Variants in CDH10 observed in about 807,000 individuals in gnomAD.
CDH10 encodes cadherin-10.
Under a neutral mutation model 73.1 loss-of-function variants are expected in CDH10, and 30 were observed. That is an observed-to-expected ratio of 0.41 (90% confidence interval 0.31 to 0.56). CDH10 has a LOEUF of 0.56. CDH10 is among the 20% of genes least tolerant of loss of function. The pLI is 0.27. For synonymous variants in CDH10, 345 were observed against 348.2 expected (o/e 0.99, Z 0.10); for missense variants, 815 against 973.7 (o/e 0.84, Z 2.17).
chr5:24,591,004 T>A (rs879269062), intron 2 of CDH10, among the ~76,000 whole-genome samples: 1 of 152,068 alleles, frequency 6.6e-6, no homozygotes, highest in Admixed American at 6.6e-5. Context: ...TCCTTATAAA[T>A]AATGATGGAG....
intron 2 of CDH10, among the ~76,000 whole-genome samples, chr5:24,583,043 A>G (rs909611861): frequency 4.0e-5 from 6 of 149,242 alleles, no homozygotes; most frequent in Non-Finnish European, 8.9e-5. Flanking sequence ...CACCTGTCAT[A>G]TTGCTATATT....
At chr5:24,580,212 A>C (rs1745747593) in intron 2 of CDH10, among the ~76,000 whole-genome samples, 1 of 152,196 alleles carries the variant, frequency 6.6e-6, no homozygotes, top group Admixed American at 6.5e-5. Context: ...AACCCATGTC[A>C]TGGGGGTTTG....
At chr5:24,540,615 T>G (rs1392013370) in intron 2 of CDH10, among the ~76,000 whole-genome samples, 2 of 151,940 alleles carry the variant, frequency 1.3e-5, no homozygotes, top group African/African-American at 2.4e-5. Context: ...GATTTCTACC[T>G]TCACCAATGG....
chr5:24,550,308 C>G (rs1242252174), intron 2 of CDH10, among the ~76,000 whole-genome samples: 2 of 151,982 alleles, frequency 1.3e-5, no homozygotes, highest in Non-Finnish European at 2.9e-5. Flanking sequence ...TCTTTCATGT[C>G]TTTCCACTTT....
chr5:24,516,029 A>G (rs12515276), intron 5 of CDH10, among the ~76,000 whole-genome samples: 72,700 of 151,986 alleles, frequency 0.48, 17,492 homozygotes, highest in East Asian at 0.58. Context: ...TTTATAAATT[A>G]CCCAGTCTTG....
chr5:24,585,119 T>G (rs781087474), intron 2 of CDH10, among the ~76,000 whole-genome samples: 8 of 152,086 alleles, frequency 5.3e-5, no homozygotes, highest in Non-Finnish European at 8.8e-5. Flanking sequence ...GTGCTGGGAT[T>G]GCAGGCGTGA....
intron 2 of CDH10, among the ~76,000 whole-genome samples, chr5:24,551,119 C>T (rs183156579): frequency 6.6e-6 from 1 of 152,254 alleles, no homozygotes; most frequent in East Asian, 1.9e-4. Context: ...TTGGCCTCAT[C>T]CTTTTCCATT....
intron 1 of CDH10, among the ~76,000 whole-genome samples, chr5:24,636,174 T>C (rs1448111381): frequency 6.6e-6 from 1 of 151,944 alleles, no homozygotes; most frequent in East Asian, 1.9e-4. Context: ...CTATAGTAAT[T>C]GCTTATTTTA....
At chr5:24,518,027 C>A (rs1202462997) in intron 5 of CDH10, among the ~76,000 whole-genome samples, 1 of 152,112 alleles carries the variant, frequency 6.6e-6, no homozygotes, top group Admixed American at 6.6e-5. Flanking sequence ...GCTTTAACTG[C>A]TAGGGGAGAG....
chr5:24,586,840 A>ATTTTTTTTTTTT (rs1746023448), intron 2 of CDH10, among the ~76,000 whole-genome samples: 2 of 100,606 alleles, frequency 2.0e-5, no homozygotes, highest in Non-Finnish European at 3.9e-5. Context: ...GATAGCCCAT[A>ATTTTTTTTTTTT]TTCTTTTTTT....
chr5:24,522,928 T>A (rs1743394944), intron 5 of CDH10, among the ~76,000 whole-genome samples: 1 of 152,058 alleles, frequency 6.6e-6, no homozygotes, highest in Non-Finnish European at 1.5e-5. Context: ...ATAAAAAAAA[T>A]TTCATACATT....
intron 10 of CDH10, among the ~76,000 whole-genome samples, chr5:24,492,607 A>G (rs1045499469): frequency 2.0e-5 from 3 of 152,182 alleles, no homozygotes; most frequent in Non-Finnish European, 4.4e-5. Context: ...ATCCATAAAG[A>G]GACCTCTTTC....
At chr5:24,491,991 CAAAT>C (rs1370932162) in intron 10 of CDH10, among the ~76,000 whole-genome samples, 164 bp from the exon 11 acceptor site, 4 of 151,986 alleles carry the variant, frequency 2.6e-5, no homozygotes, top group African/African-American at 7.2e-5. Context: ...ATAGATAAGA[CAAAT>C]AATCAGTTTG....
intron 1 of CDH10, among the ~76,000 whole-genome samples, chr5:24,604,898 A>AAAAAAAAAAAAAAAAAC (rs1746703525): frequency 2.0e-5 from 3 of 147,580 alleles, no homozygotes; most frequent in African/African-American, 7.8e-5. Flanking sequence ...AAAAAAAACA[A>AAAAAAAAAAAAAAAAAC]AAACAAACAA....
At chr5:24,506,026 A>T (rs1742686091) in intron 7 of CDH10, among the ~76,000 whole-genome samples, 1 of 151,438 alleles carries the variant, frequency 6.6e-6, no homozygotes, top group Non-Finnish European at 1.5e-5. Flanking sequence ...AAGCAGGAGA[A>T]TTGCTTGAAC....
intron 2 of CDH10, among the ~76,000 whole-genome samples, chr5:24,576,725 A>T (rs767896094): frequency 6.6e-6 from 1 of 152,122 alleles, no homozygotes; most frequent in Non-Finnish European, 1.5e-5. Context: ...CCTACAGAAG[A>T]ATTTCAGGTA....
At chr5:24,490,001 A>G (rs1006060744) in intron 11 of CDH10, among the ~76,000 whole-genome samples, 1 of 152,250 alleles carries the variant, frequency 6.6e-6, no homozygotes, top group East Asian at 1.9e-4. Flanking sequence ...TTCATTATGC[A>G]TAAAATGAAA....
At chr5:24,601,907 TC>T (rs747849022) in intron 1 of CDH10, among the ~76,000 whole-genome samples, 6 of 151,254 alleles carry the variant, frequency 4.0e-5, no homozygotes, top group Non-Finnish European at 7.4e-5. Context: ...ACCATTATCA[TC>T]CCCTGCTACT....
chr5:24,573,565 G>A (rs1745479012), intron 2 of CDH10, among the ~76,000 whole-genome samples: 1 of 151,582 alleles, frequency 6.6e-6, no homozygotes, highest in Admixed American at 6.6e-5. Flanking sequence ...GCCGAGCGTG[G>A]TGGCGGGCAC....
Sources: gnomAD v4.1 joint callset for allele counts (sites outside exome capture counted in the v4.1 genomes callset) on GRCh38, gnomAD v4.1.1 for gene constraint, MANE v1.5 for transcripts, NCBI Gene and HGNC (gene_info 2026-07-23, HGNC 2026-07-21) for gene names.